Variants in DOCK10 observed in about 807,000 individuals in gnomAD.
DOCK10 encodes dedicator of cytokinesis 10, also known as dedicator of cytokinesis protein 10.
In DOCK10, 145 loss-of-function variants were observed where a neutral mutation model predicts 280.1. That is an observed-to-expected ratio of 0.52 (90% CI 0.45 to 0.59). DOCK10 has a LOEUF of 0.59. Among genes scored for constraint, DOCK10 ranks in the 20% least tolerant of loss-of-function variants. The pLI, the probability that DOCK10 is intolerant of heterozygous loss-of-function variation, is 0.00. For missense variants in DOCK10, 2,368 were observed against 2,651.7 expected (o/e 0.89, Z 2.35); for synonymous variants, 915 against 942.2 (o/e 0.97, Z 0.53).
intron 1 of DOCK10, among the ~76,000 whole-genome samples, chr2:224,974,813 A>G (rs1705315836): frequency 7.7e-6 from 1 of 129,474 alleles, no homozygotes; most frequent in Non-Finnish European, 1.7e-5. Context: ...TATATATTAT[A>G]TATATAATAT....
intron 1 of DOCK10, among the ~76,000 whole-genome samples, chr2:225,022,321 G>A (rs191176342): frequency 6.6e-5 from 10 of 152,240 alleles, no homozygotes; most frequent in Non-Finnish European, 1.2e-4. Flanking sequence ...CAACCACTGT[G>A]TGCCAGTTTC....
At chr2:224,906,923 A>G (rs1700682597) in intron 3 of DOCK10, among the ~76,000 whole-genome samples, 1 of 152,182 alleles carries the variant, frequency 6.6e-6, no homozygotes, top group Admixed American at 6.5e-5. Context: ...CCCATGTTGG[A>G]TAATGAACCT....
chr2:224,896,240 G>C (rs548075483), intron 4 of DOCK10, 55 bp downstream of exon 4: 4 of 1,065,904 alleles, frequency 3.8e-6, no homozygotes, highest in Middle Eastern at 4.1e-4. Flanking sequence ...GACTAGAACA[G>C]AGGATGTCAT....
At chr2:224,813,160 C>T (rs1289778048) in intron 31 of DOCK10, among the ~76,000 whole-genome samples, 1 of 152,154 alleles carries the variant, frequency 6.6e-6, no homozygotes, top group Non-Finnish European at 1.5e-5. Context: ...ACAACGCATA[C>T]ATATATCAAA....
At chr2:225,038,318 A>T (rs1293112783) in intron 1 of DOCK10, among the ~76,000 whole-genome samples, 3 of 151,888 alleles carry the variant, frequency 2.0e-5, no homozygotes, top group African/African-American at 7.2e-5. Context: ...CTTGAATGCC[A>T]CCAAGTTCAG....
intron 1 of DOCK10, among the ~76,000 whole-genome samples, chr2:224,979,603 A>T (rs907747221): frequency 6.6e-6 from 1 of 152,208 alleles, no homozygotes; most frequent in African/African-American, 2.4e-5. Flanking sequence ...TTCTTCCCAC[A>T]TTAGGGCCTT....
chr2:225,023,694 G>A (rs1689843337), intron 1 of DOCK10, among the ~76,000 whole-genome samples: 1 of 152,138 alleles, frequency 6.6e-6, no homozygotes, highest in African/African-American at 2.4e-5. Context: ...CCATGCACCT[G>A]CACACCAAGA....
At chr2:224,926,703 C>T (rs570088761) in intron 2 of DOCK10, among the ~76,000 whole-genome samples, 54 of 152,284 alleles carry the variant, frequency 3.5e-4, no homozygotes, top group Admixed American at 8.5e-4. Flanking sequence ...ATTTTCCTTA[C>T]CATCAAGCAA....
At chr2:224,961,418 CTT>C (rs1232091000) in intron 1 of DOCK10, among the ~76,000 whole-genome samples, 1,055 of 100,120 alleles carry the variant, frequency 0.011, 7 homozygotes, top group African/African-American at 0.04. Flanking sequence ...CTTTCTCTTT[CTT>C]TCTTTCTTTC....
chr2:224,967,142 A>G lies in DOCK10; in HGVS notation c.124-35474T>C, dbSNP rs376934176. Among the ~76,000 whole-genome samples the G allele has an allele frequency of 6.7e-4, 100 of 148,298 alleles. 1 individual carries two copies. Among genetic ancestry groups the G allele is most frequent in the African/African-American group, 2.4e-3 (96 of 40,020 alleles). On this transcript the variant is annotated intron_variant, in intron 1 of 55. Coordinates refer to ENST00000258390, the MANE Select transcript of DOCK10 (RefSeq NM_014689.3). ...TCGCCCAGGCTGGAGTGCAGTGGCG[A>G]GATCTCGGCTCACTGCAAGCTCCAC...
intron 52 of DOCK10, among the ~76,000 whole-genome samples, chr2:224,774,109 A>G (rs1042083305): frequency 1.3e-5 from 2 of 152,154 alleles, no homozygotes; most frequent in African/African-American, 4.8e-5. Context: ...CTGAAGGCAG[A>G]CGCTTGTCAC....
rs762661106 is a variant in DOCK10, at chr2:224,931,687, T to C, written c.124-19A>G. On this transcript the variant is annotated intron_variant, in intron 1 of 55. Coordinates refer to ENST00000258390, the MANE Select transcript of DOCK10 (RefSeq NM_014689.3). ...TTTCTTGCTGTAGAAAAAGAAAATA[T>C]GGTATTAATCACTGACATACACCAT... is the stretch of plus-strand genomic sequence containing the variant. 2.5e-6 allele frequency: 4 copies of C among 1,572,830 alleles called. No individual in the cohort carries two copies. Among genetic ancestry groups the C allele is most frequent in the African/African-American group, 1.4e-5 (1 of 73,812 alleles).
At chr2:224,862,830 A>G (rs1243599727) in intron 13 of DOCK10, 84 bp from the exon 14 acceptor site, 1 of 858,078 alleles carries the variant, frequency 1.2e-6, no homozygotes, top group Non-Finnish European at 1.7e-6. Flanking sequence ...ACTTTTTCAT[A>G]TTATTTTATA....
chr2:224,966,023 CTTCCAGTGAATGT>C (rs1704720665), intron 1 of DOCK10, among the ~76,000 whole-genome samples: 1 of 152,184 alleles, frequency 6.6e-6, no homozygotes, highest in Non-Finnish European at 1.5e-5. Context: ...ATTGCTGTGG[CTTCCAGTGAATGT>C]AATTACTTAC....
At chr2:224,985,412 T>C (rs1705946379) in intron 1 of DOCK10, among the ~76,000 whole-genome samples, 1 of 151,540 alleles carries the variant, frequency 6.6e-6, no homozygotes, top group South Asian at 2.1e-4. Context: ...TATAAAAATT[T>C]ATTCAGCACT....
intron 15 of DOCK10, among the ~76,000 whole-genome samples, chr2:224,855,967 C>T (rs1275136702): frequency 1.3e-5 from 2 of 152,182 alleles, no homozygotes; most frequent in South Asian, 2.1e-4. Flanking sequence ...ATTATCTGTA[C>T]ATCTCTAAGT....
Position 224,797,904 on chromosome 2 carries a change from G to C in DOCK10, c.4572C>G (p.Leu1524=). 1 of 1,613,882 alleles carries C rather than the reference G, an allele frequency of 6.2e-7. No homozygotes were observed. The highest frequency in any genetic ancestry group is 8.5e-7 in the Non-Finnish European group (1 of 1,179,806). The change falls in exon 42 of 56, where the codon CTC becomes CTG. Residue 1524 remains leucine (L), a synonymous_variant. Coordinates refer to ENST00000258390, the MANE Select transcript of DOCK10 (RefSeq NM_014689.3). ...LMKRVFDTYM[L]FFQVNQSATA... ...TGGCTGACTGATTGACTTGGAAAAAGAGCATGTAGGTATCAAAGACCCTTT... is the reference window on the plus strand; with the variant it reads ...TGGCTGACTGATTGACTTGGAAAAACAGCATGTAGGTATCAAAGACCCTTT...
intron 26 of DOCK10, among the ~76,000 whole-genome samples, chr2:224,833,340 TG>T (rs1355342735): frequency 6.6e-6 from 1 of 152,098 alleles, no homozygotes; most frequent in African/African-American, 2.4e-5. Flanking sequence ...TCTGCTCACT[TG>T]GCTCCAGCCA....
At chr2:224,960,340 A>C (rs1156251972) in intron 1 of DOCK10, among the ~76,000 whole-genome samples, 1 of 152,116 alleles carries the variant, frequency 6.6e-6, no homozygotes, top group Non-Finnish European at 1.5e-5. Context: ...TAACCATATA[A>C]CTATTTGCAA....
Sources: allele counts gnomAD v4.1 joint callset (sites outside exome capture counted in the v4.1 genomes callset), GRCh38; gene constraint gnomAD v4.1.1; transcripts MANE v1.5; gene names NCBI Gene and HGNC (gene_info 2026-07-23, HGNC 2026-07-21).